LOXHD1: variants seen among roughly 807,000 people sequenced by gnomAD.
LOXHD1 encodes lipoxygenase homology domain-containing protein 1.
A neutral mutation model predicts 248.2 loss-of-function variants in LOXHD1; 205 were observed. The observed-to-expected ratio is 0.83, with a 90% confidence interval of 0.74 to 0.93. The LOEUF is 0.93. LOXHD1 is among the 40% of genes least tolerant of loss of function. LOXHD1 has a pLI of 0.00. For synonymous variants in LOXHD1, 1,113 were observed against 1,162.8 expected, an observed-to-expected ratio of 0.96 and a Z score of 0.87; for missense variants, 2,930 against 2,971.6, an observed-to-expected ratio of 0.99 and a Z score of 0.33.
chr18:46,508,703 C>T (rs34712296), intron 35 of LOXHD1, among the ~76,000 whole-genome samples: 5,308 of 152,306 alleles, frequency 0.035, 133 homozygotes, highest in South Asian at 0.059. Flanking sequence ...TCGTGTGACA[C>T]GGAGGCTGCA....
At chr18:46,609,620 C>G (rs1474741232) in intron 6 of LOXHD1, among the ~76,000 whole-genome samples, 1 of 152,204 alleles carries the variant, frequency 6.6e-6, no homozygotes, top group African/African-American at 2.4e-5. Context: ...TGAGGGAAGT[C>G]TATGCAAAAG....
intron 21 of LOXHD1, among the ~76,000 whole-genome samples, chr18:46,549,381 A>G (rs1043741378): frequency 2.1e-4 from 32 of 152,394 alleles, no homozygotes; most frequent in African/African-American, 7.5e-4. Flanking sequence ...GTGTTGTACA[A>G]TATAAATAAT....
Position 46,545,627 on chromosome 18 carries a change from C to CTTT in LOXHD1, c.3515-209_3515-207dup, listed in dbSNP as rs56323729. On this transcript the variant is annotated intron_variant, in intron 22 of 40. Coordinates refer to ENST00000642948, the MANE Select transcript of LOXHD1 (RefSeq NM_001384474.1). ...GTTTCTATGTTCCTCTTGGCCATTTCTTTTTTTTTTTTTTTTTTTTGAGAC... is the reference window on the plus strand; with the variant it reads ...GTTTCTATGTTCCTCTTGGCCATTTCTTTTTTTTTTTTTTTTTTTTTTTGAGAC... Among the ~76,000 whole-genome samples, 25 of 92,244 alleles carry CTTT rather than the reference C, an allele frequency of 2.7e-4. 2 individuals are homozygous for CTTT. Among genetic ancestry groups the CTTT allele is most frequent in the African/African-American group, 4.4e-4 (9 of 20,510 alleles). The allele number at this position is 92,244 out of a possible 152,430, so 60.5% of individuals were successfully genotyped here. A position where few individuals can be genotyped will look rare whatever the true frequency, so the allele number is the denominator to read the frequency against.
chr18:46,649,167 TG>T lies in LOXHD1; in HGVS notation c.232del (p.Gln78SerfsTer20), dbSNP rs1248034407. ...AGTGGGTACTCACTTGCTGGTGAGC[TG>T]GAGCTTGGGAGAGAGCCCATTCTCT... ...FGENGLSPKL[Q>X]LTSKSKSAFE... On this transcript the variant is annotated frameshift_variant, in exon 2 of 41. Coordinates refer to ENST00000642948, the MANE Select transcript of LOXHD1 (RefSeq NM_001384474.1). LOFTEE classifies it high-confidence loss of function. 5.2e-6 allele frequency: 8 copies of T among 1,551,568 alleles called. No homozygotes were observed. The highest frequency in any genetic ancestry group is 5.2e-6 in the Non-Finnish European group (6 of 1,146,978).
intron 14 of LOXHD1, among the ~76,000 whole-genome samples, chr18:46,573,022 C>CAAA (rs71162809): frequency 0.46 from 26,570 of 57,220 alleles, 7,300 homozygotes; most frequent in Non-Finnish European, 0.56. Context: ...GACTCCGTCT[C>CAAA]AAAAAAAAAA....
At chr18:46,566,234 T>G (rs1192595100) in intron 17 of LOXHD1, 23 bp downstream of exon 17, 1 of 1,531,072 alleles carries the variant, frequency 6.5e-7, no homozygotes, top group South Asian at 1.2e-5. Context: ...CAATGGGTGG[T>G]CCCACCACAG....
intron 28 of LOXHD1, among the ~76,000 whole-genome samples, chr18:46,532,199 G>C (rs2036101465): frequency 6.6e-6 from 1 of 152,220 alleles, no homozygotes; most frequent in South Asian, 2.1e-4. Flanking sequence ...TGCCCTGCTA[G>C]AGAGATCCAC....
chr18:46,565,748 T>A (rs1453801462), intron 17 of LOXHD1, among the ~76,000 whole-genome samples: 1 of 152,238 alleles, frequency 6.6e-6, no homozygotes, highest in East Asian at 1.9e-4. Flanking sequence ...GTTGTTATAC[T>A]GTACTGTTAG....
chr18:46,563,645 G>GC (rs999550256), intron 17 of LOXHD1, among the ~76,000 whole-genome samples: 2 of 152,202 alleles, frequency 1.3e-5, no homozygotes, highest in South Asian at 4.2e-4. Context: ...GAGTGATTAG[G>GC]CCCCCCAAAA....
At chr18:46,477,187 C>T (rs975442350), downstream of LOXHD1, 5 of 720,382 alleles carry the variant, frequency 6.9e-6, no homozygotes, top group Non-Finnish European at 1.3e-5. Context: ...AATTTCTCAT[C>T]CACACTCTGC....
intron 21 of LOXHD1, among the ~76,000 whole-genome samples, chr18:46,550,663 T>G (rs77583087): frequency 0.068 from 10,248 of 151,216 alleles, 477 homozygotes; most frequent in Non-Finnish European, 0.1. Context: ...GAAGCATATG[T>G]TGAGGAAAAG....
chr18:46,612,580 T>C (rs551268879), intron 5 of LOXHD1, among the ~76,000 whole-genome samples: 1 of 152,280 alleles, frequency 6.6e-6, no homozygotes, highest in South Asian at 2.1e-4. Flanking sequence ...TTGCCTATGT[T>C]TATCATACAG....
rs776475496 is a variant in LOXHD1 at position 46,560,310 on chromosome 18, C to T, written c.2834G>A (p.Gly945Asp). ...CTCCCCCTCGTCCTCTTCGTCGCTG[C>T]CCTTCCTCTTCTTCTTCTTCCTCTG... Reference protein sequence around the residue: ...KLQRKKKKRKGSDEEDEGEEE... With the variant: ...KLQRKKKKRKDSDEEDEGEEE... Residue 945 changes from glycine to aspartate, a missense_variant, in exon 19 of 41, where the codon GGC becomes GAC. By Grantham distance (94) the Gly-to-Asp change is moderately conservative. Transcript: ENST00000642948. 8.4e-6 allele frequency: 13 copies of T among 1,547,172 alleles called. No homozygotes were observed. In the South Asian group the frequency reaches 1.3e-4, roughly 16 times the overall value.
chr18:46,636,189 G>C (rs2038890515), intron 4 of LOXHD1, among the ~76,000 whole-genome samples: 1 of 152,188 alleles, frequency 6.6e-6, no homozygotes, highest in Admixed American at 6.5e-5. Flanking sequence ...CCCCATTAAG[G>C]AAGAGGGCAG....
At chr18:46,560,048 T>TGCCGGC in intron 19 of LOXHD1, 35 bp downstream of exon 19, 7 of 1,226,296 alleles carry the variant, frequency 5.7e-6, no homozygotes, top group Non-Finnish European at 7.9e-6. Flanking sequence ...GTCTGGCCAC[T>TGCCGGC]CCCTCCCCAC....
chr18:46,633,900 TC>T (rs2038859737), intron 4 of LOXHD1, among the ~76,000 whole-genome samples: 1 of 152,190 alleles, frequency 6.6e-6, no homozygotes, highest in Non-Finnish European at 1.5e-5. Context: ...AGGGATCATT[TC>T]CCACCCATTA....
At chr18:46,532,551 T>A (rs2036118756) in intron 28 of LOXHD1, among the ~76,000 whole-genome samples, 1 of 151,578 alleles carries the variant, frequency 6.6e-6, no homozygotes, top group African/African-American at 2.4e-5. Context: ...TATGGTGGTA[T>A]CACCAAAAGC....
chr18:46,538,269 TGAA>T lies in LOXHD1; in HGVS notation c.3979_3981del (p.Phe1327del). 6.4e-7 allele frequency: 1 copy of T among 1,551,530 alleles called. No homozygotes were observed. The highest frequency in any genetic ancestry group is 1.4e-5 in the African/African-American group (1 of 73,156). On this transcript the variant is annotated inframe_deletion, in exon 26 of 41. Coordinates refer to ENST00000642948, the MANE Select transcript of LOXHD1 (RefSeq NM_001384474.1). ...ACGGCATCGCAGCCATAGATGATGA[TGAA>T]GATGTTGGCATCTGTCCCAGCAGCA...
At chr18:46,601,087 CAAT>C in intron 8 of LOXHD1, 127 bp downstream of exon 8, 1 of 1,256,254 alleles carries the variant, frequency 8.0e-7, no homozygotes, top group African/African-American at 1.5e-5. Context: ...CCAAAATGCC[CAAT>C]GAAAGAGATT....
Sources: gnomAD v4.1 joint callset for allele counts (sites outside exome capture counted in the v4.1 genomes callset) on GRCh38, gnomAD v4.1.1 for gene constraint, MANE v1.5 for transcripts, NCBI Gene and HGNC (gene_info 2026-07-23, HGNC 2026-07-21) for gene names.